The following SMG6 variants were observed in gnomAD, a reference collection of about 807,000 sequenced individuals.
SMG6 encodes the protein telomerase-binding protein EST1A.
In SMG6, 66 loss-of-function variants were observed where a neutral mutation model predicts 142.2. The observed-to-expected ratio is 0.46, with a 90% confidence interval of 0.38 to 0.57. The LOEUF (loss-of-function observed/expected upper bound fraction) is 0.57. Among genes scored for constraint, SMG6 ranks in the 20% least tolerant of loss-of-function variants. The pLI is 0.00. For synonymous variants in SMG6, 779 were observed against 702.4 expected, an observed-to-expected ratio of 1.11 and a Z score of -1.72; for missense variants, 1,793 against 1,832.0, an observed-to-expected ratio of 0.98 and a Z score of 0.39.
At chr17:2,282,904 C>T (rs1159265622) in intron 7 of SMG6, 45 bp from the exon 8 acceptor site, 1 of 1,588,644 alleles carries the variant, frequency 6.3e-7, no homozygotes, top group Admixed American at 1.7e-5. Flanking sequence ...GGTGTGGTGG[C>T]TCACGCCTGT....
intron 13 of SMG6, among the ~76,000 whole-genome samples, chr17:2,099,585 C>T (rs1476978357): frequency 6.6e-6 from 1 of 151,932 alleles, no homozygotes; most frequent in Non-Finnish European, 1.5e-5. Flanking sequence ...AGGTAGAAAG[C>T]CATTTTAAGT....
chr17:2,212,920 G>A (rs1416151434), intron 10 of SMG6, among the ~76,000 whole-genome samples: 1 of 152,224 alleles, frequency 6.6e-6, no homozygotes. Flanking sequence ...GTTTGGCGCT[G>A]CCTCACGAAG....
chr17:2,171,353 AAG>A (rs200557060), intron 13 of SMG6, among the ~76,000 whole-genome samples: 8 of 61,310 alleles, frequency 1.3e-4, no homozygotes, highest in East Asian at 5.0e-4. Context: ...TTGAAAATGA[AAG>A]AGTGTGTGTG....
intron 10 of SMG6, 78 bp downstream of exon 10, chr17:2,236,414 G>A: frequency 6.8e-7 from 1 of 1,463,368 alleles, no homozygotes; most frequent in Non-Finnish European, 9.3e-7. Context: ...AGGTATGGTA[G>A]GTATGGTAAC....
rs578197306 is a variant in SMG6 at position 2,270,550 on chromosome 17, G to A, written c.2661+12097C>T. Among the ~76,000 whole-genome samples the A allele has an allele frequency of 3.3e-5, 5 of 152,320 alleles. No individual in the cohort carries two copies. In the South Asian group the frequency reaches 1.0e-3, roughly 32 times the overall value. ...TTGAGCCTGGGAGATGGAGGCTTCA[G>A]TGAGCGATGATCATGCTGCTGCACT... On this transcript the variant is annotated intron_variant, in intron 8 of 18. Transcript: ENST00000263073.
At chr17:2,253,954 CA>C (rs1349622822) in intron 8 of SMG6, among the ~76,000 whole-genome samples, 1 of 152,172 alleles carries the variant, frequency 6.6e-6, no homozygotes, top group African/African-American at 2.4e-5. Context: ...GGACGTTTCC[CA>C]AAACATCCCT....
chr17:2,247,479 C>G (rs1280806353), intron 8 of SMG6, among the ~76,000 whole-genome samples: 2 of 152,106 alleles, frequency 1.3e-5, no homozygotes, highest in Non-Finnish European at 2.9e-5. Context: ...CTTTCATAAA[C>G]TGGTTATATA....
chr17:2,238,777 A>G (rs1031451317), intron 9 of SMG6, among the ~76,000 whole-genome samples: 5 of 152,226 alleles, frequency 3.3e-5, no homozygotes, highest in Non-Finnish European at 5.9e-5. Context: ...GAAGTCTTGA[A>G]CGAGCACCAG....
intron 16 of SMG6, among the ~76,000 whole-genome samples, chr17:2,067,976 A>C (rs571294081): frequency 6.6e-6 from 1 of 152,290 alleles, no homozygotes; most frequent in South Asian, 2.1e-4. Context: ...GGGGATGTGC[A>C]AACGCCTGGG....
intron 4 of SMG6, among the ~76,000 whole-genome samples, chr17:2,293,368 ACTACT>A (rs1277684396): frequency 3.3e-5 from 5 of 152,342 alleles, no homozygotes; most frequent in South Asian, 2.1e-4. Flanking sequence ...TGTAAAAGTA[ACTACT>A]CTATAGGGTA....
chr17:2,066,212 A>C (rs897855127), intron 16 of SMG6: 10 of 168,620 alleles, frequency 5.9e-5, no homozygotes, highest in Non-Finnish European at 1.3e-4. Context: ...TCAAGACCAG[A>C]ACCTTGGCAC....
intron 13 of SMG6, among the ~76,000 whole-genome samples, chr17:2,091,831 C>A (rs1438263963): frequency 7.7e-6 from 1 of 129,802 alleles, no homozygotes; most frequent in Non-Finnish European, 1.7e-5. Context: ...CCACCACGCC[C>A]AGCTAATTTT....
At chr17:2,236,382 C>T (rs912077057) in intron 10 of SMG6, 110 bp downstream of exon 10, 24 of 979,974 alleles carry the variant, frequency 2.4e-5, no homozygotes, top group African/African-American at 8.6e-5. Context: ...TGTGTGTGTT[C>T]GGGGGTGGGG....
intron 12 of SMG6, among the ~76,000 whole-genome samples, chr17:2,180,584 T>C (rs916628981): frequency 2.6e-5 from 4 of 152,036 alleles, no homozygotes; most frequent in Admixed American, 1.3e-4. Context: ...CCTGCTGTTG[T>C]GGTTTTGACT....
chr17:2,237,406 G>T, intron 9 of SMG6: 1 of 604,394 alleles, frequency 1.7e-6, no homozygotes, highest in Non-Finnish European at 2.1e-6. Flanking sequence ...TAGGTAACCA[G>T]ACATAGTTCT....
At position 2,303,650 on chromosome 17, in the gene SMG6, G is replaced by A; in HGVS notation, c.71C>T (p.Pro24Leu). The change falls in exon 1 of 19, where the codon CCG (proline) becomes CTG (leucine). Residue 24 changes from proline (P) to leucine (L), a missense_variant. Pro to Leu is a moderately conservative substitution (Grantham distance 98). Around this residue, in one of 3 missense-constraint regions of SMG6, gnomAD observed 1,597 missense variants for 1,584.6 expected, o/e 1.01. Coordinates refer to ENST00000263073, the MANE Select transcript of SMG6 (RefSeq NM_017575.5). ...CGACTCACCTCTGCTCCCGGCCTGC[G>A]GGGCCAGAGTAGCCAGGATCCCGCG... ...ELRGILATLAPQAGSRENMKE... is the reference protein window; with the variant it reads ...ELRGILATLALQAGSRENMKE... The A allele has an allele frequency of 1.3e-6, 2 of 1,487,706 alleles. No homozygotes were observed. Among genetic ancestry groups the A allele is most frequent in the Non-Finnish European group, 1.8e-6 (2 of 1,125,608 alleles). 92.2% of individuals were successfully genotyped at this position (1,487,706 alleles called of 1,614,324 possible). A position where few individuals can be genotyped will look rare whatever the true frequency, so the allele number is the denominator to read the frequency against.
chr17:2,255,550 G>A (rs574483469), intron 8 of SMG6, among the ~76,000 whole-genome samples: 14 of 151,816 alleles, frequency 9.2e-5, no homozygotes, highest in Admixed American at 3.9e-4. Flanking sequence ...CAGCTGCCCC[G>A]TCCGGGAGGG....
chr17:2,159,595 T>A (rs1348940713), intron 13 of SMG6, among the ~76,000 whole-genome samples: 1 of 152,202 alleles, frequency 6.6e-6, no homozygotes, highest in African/African-American at 2.4e-5. Flanking sequence ...AAGGGTGTAA[T>A]CACTTCAAAA....
At chr17:2,076,996 C>T (rs1046893073) in intron 15 of SMG6, among the ~76,000 whole-genome samples, 1 of 152,156 alleles carries the variant, frequency 6.6e-6, no homozygotes, top group African/African-American at 2.4e-5. Flanking sequence ...TGCTGCTGGT[C>T]GCTGGAGAGG....
Sources: gnomAD v4.1 joint callset for allele counts (sites outside exome capture counted in the v4.1 genomes callset) on GRCh38, gnomAD v4.1.1 for gene constraint, gnomAD v4.1.1 regional missense constraint, MANE v1.5 for transcripts, NCBI Gene and HGNC (gene_info 2026-07-23, HGNC 2026-07-21) for gene names.